NLRP4: variants seen among roughly 807,000 people sequenced by gnomAD.
NLRP4 encodes the protein NACHT, LRR and PYD domains-containing protein 4.
A neutral mutation model predicts 84.7 loss-of-function variants in NLRP4; 44 were observed. That is an observed-to-expected ratio of 0.52 (90% CI 0.41 to 0.67). The LOEUF (loss-of-function observed/expected upper bound fraction) is 0.67. NLRP4 is among the 30% of genes least tolerant of loss of function. The pLI is 0.00. For missense variants in NLRP4, 1,260 were observed against 1,219.4 expected, an observed-to-expected ratio of 1.03 and a Z score of -0.50; for synonymous variants, 544 against 476.4, an observed-to-expected ratio of 1.14 and a Z score of -1.85.
chr19:55,839,364 CACAT>C (rs1983519637), intron 1 of NLRP4, among the ~76,000 whole-genome samples: 1 of 151,752 alleles, frequency 6.6e-6, no homozygotes, highest in Admixed American at 6.6e-5. Flanking sequence ...CTCTCACACA[CACAT>C]ACCCACACAC....
intron 8 of NLRP4, among the ~76,000 whole-genome samples, chr19:55,878,483 ACG>A: frequency 7.2e-6 from 1 of 138,968 alleles, no homozygotes; most frequent in South Asian, 2.1e-4. Context: ...GTTATCTGAG[ACG>A]GCTTCATACC....
rs746532356 is a variant in NLRP4 at position 55,862,095 on chromosome 19, C to T, written c.2122C>T (p.Arg708Cys). 8.1e-6 allele frequency: 13 copies of T among 1,613,430 alleles called. No homozygotes were observed. Among genetic ancestry groups the T allele is most frequent in the South Asian group, 4.4e-5 (4 of 91,064 alleles). The change falls in exon 5 of 10, where the codon CGT becomes TGT. Residue 708 changes from arginine to cysteine, a missense_variant. Coordinates refer to ENST00000301295, the MANE Select transcript of NLRP4 (RefSeq NM_134444.5). Reference protein sequence around the residue: ...YLSFTLTKLSRDDIRSLCDAL... With the variant: ...YLSFTLTKLSCDDIRSLCDAL... ...GAGCTTCACCCTCACGAAACTCTCTCGTGATGACATCAGGTCCCTCTGTGA... is the reference window on the plus strand; with the variant it reads ...GAGCTTCACCCTCACGAAACTCTCTTGTGATGACATCAGGTCCCTCTGTGA...
At chr19:55,874,519 C>G (rs1273864450) in intron 7 of NLRP4, among the ~76,000 whole-genome samples, 4 of 152,082 alleles carry the variant, frequency 2.6e-5, no homozygotes, top group Admixed American at 2.6e-4. Context: ...ACACAATAAA[C>G]TTGAAAATTT....
Position 55,862,023 on chromosome 19 carries a change from G to A in NLRP4, c.2050G>A (p.Val684Ile). ...TAACGTTTCCTTTTCTGGCCAGAGT[G>A]TTCTGCTCTTTGAGGTGCTCTTTTA... ...INNVSFSGQS[V>I]LLFEVLFYQP... Residue 684 changes from valine to isoleucine, a missense_variant, in exon 5 of 10, where the codon GTT becomes ATT. Physicochemically the swap from Val to Ile is conservative, Grantham distance 29 (BLOSUM62 3). This residue lies in a region of NLRP4 where 544 missense variants were observed against 531.7 expected (regional missense o/e 1.02). Transcript: ENST00000301295. 1 of 1,613,978 alleles carries A rather than the reference G, an allele frequency of 6.2e-7. No individual in the cohort carries two copies. The highest frequency in any genetic ancestry group is 8.5e-7 in the Non-Finnish European group (1 of 1,179,826).
intron 1 of NLRP4, among the ~76,000 whole-genome samples, chr19:55,844,670 A>G (rs1983725902): frequency 6.6e-6 from 1 of 152,138 alleles, no homozygotes; most frequent in South Asian, 2.1e-4. Context: ...AGTACAGCTA[A>G]TTGCATCTGC....
At chr19:55,845,156 C>G (rs1268742360) in intron 1 of NLRP4, among the ~76,000 whole-genome samples, 1 of 147,420 alleles carries the variant, frequency 6.8e-6, no homozygotes, top group Non-Finnish European at 1.5e-5. Context: ...AGGTACATCT[C>G]CTAATGCTAT....
chr19:55,861,234 G>A, intron 3 of NLRP4, 152 bp from the exon 4 acceptor site: 1 of 631,266 alleles, frequency 1.6e-6, no homozygotes. Context: ...CTAACATAAG[G>A]TGACTTACCT....
intron 8 of NLRP4, among the ~76,000 whole-genome samples, chr19:55,878,281 G>A (rs1985443998): frequency 6.6e-6 from 1 of 151,332 alleles, no homozygotes; most frequent in Non-Finnish European, 1.5e-5. Flanking sequence ...TTAGCCCGCA[G>A]GCGTGGTGCA....
chr19:55,836,577 C>G lies in NLRP4; in HGVS notation c.-423C>G, dbSNP rs148253257. Reference sequence around the variant, plus strand: ...GGCGTGGAGCGGTGAGTCAGCGCTTCGTGCTGGGCTGTTCGTCTCTTCTAT... The same window carrying G: ...GGCGTGGAGCGGTGAGTCAGCGCTTGGTGCTGGGCTGTTCGTCTCTTCTAT... On this transcript the variant is annotated 5_prime_UTR_variant, in exon 1 of 10. Transcript: ENST00000301295. 6.6e-6 allele frequency: 1 copy of G among 152,472 alleles called. No individual in the cohort carries two copies. Among genetic ancestry groups the G allele is most frequent in the African/African-American group, 2.4e-5 (1 of 41,574 alleles). The allele number at this position is 152,472 out of a possible 1,614,324, so 9.4% of individuals were successfully genotyped here. A position where few individuals can be genotyped will look rare whatever the true frequency, so the allele number is the denominator to read the frequency against.
At chr19:55,877,203 G>A in intron 8 of NLRP4, 37 bp downstream of exon 8, 2 of 1,588,674 alleles carry the variant, frequency 1.3e-6, no homozygotes, top group Non-Finnish European at 1.7e-6. Context: ...GTTTTCATGA[G>A]TGGCAAAGAC....
At position 55,873,162 on chromosome 19, in the gene NLRP4, A is replaced by G. The variant is rs372470517; in HGVS notation, c.2525+2165A>G. ...TAATTCTAAAGACTGTTCCTTAGAC[A>G]GAAGTAAATCATTCCAGATGGAAGA... On this transcript the variant is annotated intron_variant, in intron 7 of 9. Transcript: ENST00000301295. Among the ~76,000 whole-genome samples, 194 of 151,136 alleles carry G rather than the reference A, an allele frequency of 1.3e-3. 1 individual carries two copies. The highest frequency in any genetic ancestry group is 4.3e-3 in the African/African-American group (179 of 41,498).
chr19:55,859,449 GGCCCCAT>G (rs1984630665), intron 3 of NLRP4, among the ~76,000 whole-genome samples, 200 bp downstream of exon 3: 1 of 152,132 alleles, frequency 6.6e-6, no homozygotes, highest in Non-Finnish European at 1.5e-5. Flanking sequence ...TGGCTGCAGT[GGCCCCAT>G]TACAGAAGGG....
chr19:55,857,124 T>C (rs1984465463), intron 2 of NLRP4, among the ~76,000 whole-genome samples: 1 of 152,164 alleles, frequency 6.6e-6, no homozygotes, highest in Non-Finnish European at 1.5e-5. Flanking sequence ...TAATAGCTTG[T>C]GTCTCATAAA....
chr19:55,872,907 G>T (rs988209318), intron 7 of NLRP4, among the ~76,000 whole-genome samples: 12 of 152,108 alleles, frequency 7.9e-5, no homozygotes, highest in Admixed American at 3.3e-4. Flanking sequence ...ACAAGGGGCT[G>T]GGAGCTTGGG....
Position 55,878,880 on chromosome 19 carries a change from T to A in NLRP4, c.2783T>A (p.Leu928Gln). The A allele has an allele frequency of 6.2e-7, 1 of 1,613,984 alleles. No individual in the cohort carries two copies. Among genetic ancestry groups the A allele is most frequent in the Non-Finnish European group, 8.5e-7 (1 of 1,179,864 alleles). ...TCSKTLQQLN[L>Q]TLNTLDHTGV... ...AGTAAGACCCTGCAGCAGCTCAACC[T>A]GACCTTGAACACCTTGGACCACACA... The change falls in exon 9 of 10, where the codon CTG becomes CAG. Residue 928 changes from leucine (L) to glutamine (Q), a missense_variant. Physicochemically the swap from Leu to Gln is moderately radical, Grantham distance 113. Coordinates refer to ENST00000301295, the MANE Select transcript of NLRP4 (RefSeq NM_134444.5).
At chr19:55,869,248 T>A (rs944935069) in intron 6 of NLRP4, among the ~76,000 whole-genome samples, 2 of 151,890 alleles carry the variant, frequency 1.3e-5, no homozygotes, top group Non-Finnish European at 2.9e-5. Flanking sequence ...TAGTCCCAGC[T>A]ACTCTCGAGG....
intron 1 of NLRP4, among the ~76,000 whole-genome samples, chr19:55,846,397 A>G (rs1283982117): frequency 1.3e-5 from 2 of 151,682 alleles, no homozygotes; most frequent in African/African-American, 4.8e-5. Flanking sequence ...GTTTTGGTAC[A>G]CTCTGATCTT....
chr19:55,855,764 T>C (rs970642508), intron 2 of NLRP4, among the ~76,000 whole-genome samples: 4 of 152,266 alleles, frequency 2.6e-5, no homozygotes, highest in African/African-American at 9.6e-5. Flanking sequence ...AAGGAACAGA[T>C]AACTGTAAAG....
Position 55,881,480 on chromosome 19 carries a change from A to G in NLRP4, c.2878A>G (p.Thr960Ala), listed in dbSNP as rs764948079. Residue 960 changes from threonine (T) to alanine (A), a missense_variant, in exon 10 of 10, where the codon ACT becomes GCT. Physicochemically the swap from Thr to Ala is moderately conservative, Grantham distance 58 (BLOSUM62 0). Transcript: ENST00000301295. ...AAAATATTTTACCAGGCTGAGAAAA[A>G]CTGATTTTGATGAGGAAACCCAGGC... ...CALQVLGLRKTDFDEETQALL... is the reference protein window; with the variant it reads ...CALQVLGLRKADFDEETQALL... 3.2e-6 allele frequency: 5 copies of G among 1,577,920 alleles called. No individual in the cohort carries two copies. The African/African-American group carries it at 4.1e-5, about 13-fold the overall frequency.
Sources: gnomAD v4.1 joint callset for allele counts (sites outside exome capture counted in the v4.1 genomes callset) on GRCh38, gnomAD v4.1.1 for gene constraint, gnomAD v4.1.1 regional missense constraint, MANE v1.5 for transcripts, NCBI Gene and HGNC (gene_info 2026-07-23, HGNC 2026-07-21) for gene names.